Variants in CD163L1 observed in about 807,000 individuals in gnomAD.
CD163L1 encodes the protein CD163 molecule like 1, also known as scavenger receptor cysteine-rich type 1 protein M160.
A neutral mutation model predicts 165.4 loss-of-function variants in CD163L1; 124 were observed. That is an observed-to-expected ratio of 0.75 (90% CI 0.65 to 0.87). The LOEUF (loss-of-function observed/expected upper bound fraction) is 0.87, where lower values mean the gene tolerates loss of function less well. CD163L1 is among the 40% of genes least tolerant of loss of function. The pLI is 0.00. For synonymous variants in CD163L1, 585 were observed against 662.2 expected, an observed-to-expected ratio of 0.88 and a Z score of 1.79; for missense variants, 1,525 against 1,799.9, an observed-to-expected ratio of 0.85 and a Z score of 2.76.
the CD163L1 span, among the ~76,000 whole-genome samples, chr12:7,320,164 G>T: frequency 2.0e-5 from 3 of 152,126 alleles, no homozygotes; most frequent in African/African-American, 7.2e-5. Context: ...TATTTCTCTA[G>T]ATTTAAGATG....
intron 4 of CD163L1, among the ~76,000 whole-genome samples, chr12:7,420,989 A>G (rs1948337375): frequency 1.5e-5 from 2 of 134,110 alleles, no homozygotes; most frequent in South Asian, 4.6e-4. Context: ...ATTGTGGTAT[A>G]TATATACATA....
intron 8 of CD163L1, among the ~76,000 whole-genome samples, chr12:7,381,492 G>A (rs1176215954): frequency 6.6e-6 from 1 of 152,120 alleles, no homozygotes; most frequent in African/African-American, 2.4e-5. Context: ...AAGCCTATTT[G>A]TTACTCTGTG....
the CD163L1 span, chr12:7,324,447 G>A: frequency 1.9e-6 from 3 of 1,613,928 alleles, no homozygotes; most frequent in Non-Finnish European, 2.5e-6. Context: ...GACAGGGAGG[G>A]AGATCTCTAA....
chr12:7,369,335 A>AGTGCAGCCTT lies in CD163L1; in HGVS notation c.4039+12_4039+21dup. On this transcript the variant is annotated intron_variant, in intron 15 of 19. Coordinates refer to ENST00000313599, the MANE Select transcript of CD163L1 (RefSeq NM_174941.6). This position sits in a 1 kb window ranked among gnomAD's most constrained non-coding sequence, Gnocchi z 4.9. ...TACCATTAGTGGGAGGCTCAGTTTA[A>AGTGCAGCCTT]GTGCAGCCTTTTCACACTTACCAGA... The AGTGCAGCCTT allele has an allele frequency of 2.5e-6, 4 of 1,606,470 alleles. No individual in the cohort carries two copies. Among genetic ancestry groups the AGTGCAGCCTT allele is most frequent in the Non-Finnish European group, 3.4e-6 (4 of 1,175,154 alleles).
intron 9 of CD163L1, among the ~76,000 whole-genome samples, chr12:7,377,971 C>A (rs781434347): frequency 6.6e-6 from 1 of 152,282 alleles, no homozygotes; most frequent in South Asian, 2.1e-4. Flanking sequence ...TTCTGATCAT[C>A]TAAATCTCAT....
intron 8 of CD163L1, among the ~76,000 whole-genome samples, chr12:7,394,932 A>C (rs1947740542): frequency 6.6e-6 from 1 of 152,170 alleles, no homozygotes; most frequent in South Asian, 2.1e-4. Context: ...ATCATTAAAA[A>C]GTCAGGAAAC....
intron 4 of CD163L1, among the ~76,000 whole-genome samples, chr12:7,420,994 T>TACATATATATATATACGTATATATATAC (rs1948337657): frequency 7.5e-6 from 1 of 133,790 alleles, no homozygotes; most frequent in African/African-American, 3.0e-5. Context: ...GGTATATATA[T>TACATATATATATATACGTATATATATAC]ACATATATAT....
intron 17 of CD163L1, 130 bp downstream of exon 17, chr12:7,367,957 G>A: frequency 3.1e-6 from 2 of 642,614 alleles, no homozygotes; most frequent in Non-Finnish European, 5.7e-6. Context: ...TCTGCATTTG[G>A]CCTGGCACTT....
At chr12:7,384,388 T>C (rs1947472591) in intron 8 of CD163L1, among the ~76,000 whole-genome samples, 1 of 152,078 alleles carries the variant, frequency 6.6e-6, no homozygotes, top group South Asian at 2.1e-4. Flanking sequence ...AAATAATAGC[T>C]GAAACTTTCC....
At chr12:7,328,411 T>C in the CD163L1 span, 1 of 1,437,530 alleles carries the variant, frequency 7.0e-7, no homozygotes, top group Non-Finnish European at 9.4e-7. Context: ...AGTAATATGG[T>C]TGCTTTCTTT....
chr12:7,330,595 C>G, the CD163L1 span, among the ~76,000 whole-genome samples: 1 of 152,202 alleles, frequency 6.6e-6, no homozygotes, highest in South Asian at 2.1e-4. Flanking sequence ...CACTCTCTTC[C>G]TTCAGAGATA....
intron 4 of CD163L1, among the ~76,000 whole-genome samples, chr12:7,431,336 G>A (rs753464661): frequency 5.3e-5 from 8 of 151,672 alleles, no homozygotes; most frequent in Admixed American, 2.0e-4. Context: ...AGAATAGCTC[G>A]AACCCAGGAG....
intron 4 of CD163L1, among the ~76,000 whole-genome samples, chr12:7,431,347 G>A (rs1367789658): frequency 6.6e-6 from 1 of 151,884 alleles, no homozygotes; most frequent in Non-Finnish European, 1.5e-5. Context: ...AACCCAGGAG[G>A]TGGAGGTTGC....
At chr12:7,338,289 C>T in the CD163L1 span, among the ~76,000 whole-genome samples, 1,312 of 152,070 alleles carry the variant, frequency 8.6e-3, 17 homozygotes, top group African/African-American at 0.03. Context: ...ATTCTGCACA[C>T]GTATCCCAGA....
the CD163L1 span, among the ~76,000 whole-genome samples, chr12:7,332,000 GT>G: frequency 2.6e-5 from 4 of 152,130 alleles, no homozygotes; most frequent in African/African-American, 9.7e-5. Context: ...AAAGGAGGAA[GT>G]TCGAACCAAT....
downstream of CD163L1, among the ~76,000 whole-genome samples, chr12:7,353,408 G>A (rs1399110371): frequency 6.6e-6 from 1 of 151,684 alleles, no homozygotes; most frequent in Non-Finnish European, 1.5e-5. Flanking sequence ...ATATTAATTT[G>A]AAAATCCAAA....
Position 7,347,090 on chromosome 12 carries a change from T to C in CD163L1, c.*82A>G, listed in dbSNP as rs1037516408. The C allele has an allele frequency of 6.6e-6, 1 of 152,236 alleles. No homozygotes were observed. Among genetic ancestry groups the C allele is most frequent in the African/African-American group, 2.4e-5 (1 of 41,452 alleles). 9.4% of individuals were successfully genotyped at this position (152,236 alleles called of 1,614,324 possible). ...TAGTTCCTTTGACCGCTGCTCTTCATGGTGAGTTTTCAACTTGCTGGGTCA... is the reference window on the plus strand; with the variant it reads ...TAGTTCCTTTGACCGCTGCTCTTCACGGTGAGTTTTCAACTTGCTGGGTCA... On this transcript the variant is annotated 3_prime_UTR_variant, in exon 5 of 5. Transcript: ENST00000539726. The surrounding 1 kb of genome is among the most constrained non-coding windows in gnomAD (Gnocchi z 4.2).
chr12:7,380,587 CA>C (rs2136448696), intron 8 of CD163L1, among the ~76,000 whole-genome samples: 1 of 151,988 alleles, frequency 6.6e-6, no homozygotes, highest in South Asian at 2.1e-4. Flanking sequence ...TATGACGATG[CA>C]AAGACATAAG....
chr12:7,319,750 T>C, the CD163L1 span, among the ~76,000 whole-genome samples: 1 of 152,158 alleles, frequency 6.6e-6, no homozygotes, highest in South Asian at 2.1e-4. Context: ...TTAACATAAA[T>C]GTACACTAAC....
Sources: gnomAD v4.1 joint callset for allele counts (sites outside exome capture counted in the v4.1 genomes callset) on GRCh38, gnomAD v4.1.1 for gene constraint, Gnocchi (gnomAD v3.1) non-coding constraint, MANE v1.5 for transcripts, NCBI Gene and HGNC (gene_info 2026-07-23, HGNC 2026-07-21) for gene names.